The following CDH18 variants were observed in gnomAD, a reference collection of about 807,000 sequenced individuals.
CDH18 encodes cadherin 18.
Under a neutral mutation model 67.9 loss-of-function variants are expected in CDH18, and 31 were observed. The ratio of observed to expected loss-of-function variants is 0.46; its 90% CI spans 0.34 to 0.62. CDH18 has a LOEUF of 0.62. Among genes scored for constraint, CDH18 ranks in the 20% least tolerant of loss-of-function variants. The pLI is 0.01. For synonymous variants in CDH18, 362 were observed against 347.2 expected (o/e 1.04, Z -0.48); for missense variants, 890 against 975.5 (o/e 0.91, Z 1.17).
intron 8 of CDH18, among the ~76,000 whole-genome samples, chr5:19,561,979 T>C (rs1203635490): frequency 6.6e-6 from 1 of 152,188 alleles, no homozygotes; most frequent in Non-Finnish European, 1.5e-5. Context: ...CAAAGACTTT[T>C]GATTTTAAGC....
intron 2 of CDH18, among the ~76,000 whole-genome samples, chr5:19,903,695 C>G (rs1392492631): frequency 2.3e-5 from 3 of 132,918 alleles, no homozygotes; most frequent in Non-Finnish European, 3.1e-5. Flanking sequence ...ATGTGGATAA[C>G]ACTCAATCGA....
At chr5:19,767,403 G>A (rs144456900) in intron 3 of CDH18, among the ~76,000 whole-genome samples, 138 of 151,982 alleles carry the variant, frequency 9.1e-4, no homozygotes, top group East Asian at 2.5e-3. Context: ...AGTAGAAAAC[G>A]TCATGAAGGA....
At chr5:19,782,203 G>A (rs948650348) in intron 3 of CDH18, among the ~76,000 whole-genome samples, 3 of 152,068 alleles carry the variant, frequency 2.0e-5, no homozygotes, top group African/African-American at 7.2e-5. Context: ...TCACAATCAT[G>A]GTGGAAGGCA....
chr5:19,817,357 CACTT>C (rs1779402014), intron 3 of CDH18, among the ~76,000 whole-genome samples: 2 of 152,058 alleles, frequency 1.3e-5, no homozygotes. Flanking sequence ...ATCGGAATCT[CACTT>C]ACAGAAATCT....
At chr5:20,265,335 C>A (rs917048752) in intron 1 of CDH18, among the ~76,000 whole-genome samples, 2 of 151,958 alleles carry the variant, frequency 1.3e-5, no homozygotes, top group African/African-American at 2.4e-5. Context: ...TAATAAACTC[C>A]TTTTTCCTCT....
intron 2 of CDH18, among the ~76,000 whole-genome samples, chr5:19,897,409 TAA>T (rs1211309963): frequency 6.6e-6 from 1 of 152,168 alleles, no homozygotes; most frequent in African/African-American, 2.4e-5. Flanking sequence ...GGCTGAAATT[TAA>T]AAGACACATA....
At chr5:19,642,504 G>C (rs1754152044) in intron 5 of CDH18, among the ~76,000 whole-genome samples, 1 of 151,982 alleles carries the variant, frequency 6.6e-6, no homozygotes, top group South Asian at 2.1e-4. Context: ...ACTGAATAGA[G>C]AGCTAATAAA....
chr5:19,512,063 G>A (rs1274683716), intron 10 of CDH18, among the ~76,000 whole-genome samples: 3 of 152,100 alleles, frequency 2.0e-5, no homozygotes, highest in African/African-American at 4.8e-5. Flanking sequence ...CCAAGTCATA[G>A]CTAAAAGGGG....
At chr5:20,036,654 A>G (rs1423197576) in intron 2 of CDH18, among the ~76,000 whole-genome samples, 2 of 152,006 alleles carry the variant, frequency 1.3e-5, no homozygotes, top group Non-Finnish European at 2.9e-5. Context: ...ACATATAACA[A>G]GTATTGAATA....
chr5:19,836,232 T>C (rs1581573351), intron 3 of CDH18, among the ~76,000 whole-genome samples: 2 of 152,284 alleles, frequency 1.3e-5, no homozygotes. Context: ...ATTTCAAGGA[T>C]GGAAAGGATA....
chr5:20,187,745 T>G (rs1738213735), intron 2 of CDH18, among the ~76,000 whole-genome samples: 2 of 151,890 alleles, frequency 1.3e-5, no homozygotes, highest in Admixed American at 1.3e-4. Flanking sequence ...TATGCTTTAT[T>G]TTATATTAAC....
At chr5:19,992,360 C>A (rs1217081945), upstream of CDH18, among the ~76,000 whole-genome samples, 1 of 150,850 alleles carries the variant, frequency 6.6e-6, no homozygotes, top group Admixed American at 6.6e-5. Context: ...GAAATGAGGA[C>A]ACTGAGTTCC....
intron 1 of CDH18, among the ~76,000 whole-genome samples, chr5:20,415,613 A>C (rs1226085113): frequency 5.3e-5 from 8 of 151,050 alleles, no homozygotes; most frequent in Non-Finnish European, 1.0e-4. Context: ...CTCTACTAAA[A>C]ATACAAAAAA....
chr5:19,839,233 C>A lies in CDH18; in HGVS notation c.-247G>T, dbSNP rs1435757774. ...TTCACAGTAGTTGAACACAAGCAAC[C>A]ATTTTCAACCTAATGGAAAGAGAAA... On this transcript the variant is annotated 5_prime_UTR_variant, in exon 3 of 13. It removes an upstream start codon present in the reference 5' UTR. Coordinates refer to ENST00000382275, the MANE Select transcript of CDH18 (RefSeq NM_004934.5). 6.7e-6 allele frequency: 3 copies of A among 447,078 alleles called. No individual in the cohort carries two copies. The highest frequency in any genetic ancestry group is 2.0e-5 in the African/African-American group (1 of 51,238). 27.7% of individuals were successfully genotyped at this position (447,078 alleles called of 1,614,324 possible).
chr5:19,593,634 TCTC>T (rs1404416651), intron 6 of CDH18, among the ~76,000 whole-genome samples: 1 of 126,206 alleles, frequency 7.9e-6, no homozygotes, highest in Non-Finnish European at 1.7e-5. Context: ...TCCTCCTCCT[TCTC>T]CTCCTTCACC....
At chr5:19,927,464 T>A (rs527596347) in intron 2 of CDH18, among the ~76,000 whole-genome samples, 1 of 152,180 alleles carries the variant, frequency 6.6e-6, no homozygotes, top group African/African-American at 2.4e-5. Context: ...CAACTCCAGA[T>A]ACTGAATTCT....
intron 2 of CDH18, among the ~76,000 whole-genome samples, chr5:19,929,677 CTT>C (rs1167424230): frequency 3.3e-5 from 5 of 151,962 alleles, no homozygotes; most frequent in Non-Finnish European, 7.4e-5. Flanking sequence ...CTTGCAAGGA[CTT>C]TAAACACAAA....
rs192365993 is a variant in CDH18 at position 20,010,025 on chromosome 5, C to T, written c.-517-18011G>A. ...ATGAGAGTATAATCTTATTTATTTTCTTTCTTCTTCTTGCGGGATGCTTTC... is the reference window on the plus strand; with the variant it reads ...ATGAGAGTATAATCTTATTTATTTTTTTTCTTCTTCTTGCGGGATGCTTTC... On this transcript the variant is annotated intron_variant, in intron 2 of 14. Coordinates refer to the CDH18 transcript ENST00000507958. Among the ~76,000 whole-genome samples the T allele has an allele frequency of 1.2e-3, 180 of 151,988 alleles. 1 individual carries two copies. Among genetic ancestry groups the T allele is most frequent in the African/African-American group, 4.2e-3 (173 of 41,486 alleles).
chr5:19,775,100 A>T (rs1160785088), intron 3 of CDH18, among the ~76,000 whole-genome samples: 1 of 152,154 alleles, frequency 6.6e-6, no homozygotes, highest in Non-Finnish European at 1.5e-5. Flanking sequence ...CAGCAGGGGC[A>T]GCAGTGAATG....
Sources: allele counts gnomAD v4.1 joint callset (sites outside exome capture counted in the v4.1 genomes callset), GRCh38; gene constraint gnomAD v4.1.1; transcripts MANE v1.5; gene names NCBI Gene and HGNC (gene_info 2026-07-23, HGNC 2026-07-21).